Variants in GRIK4 observed in about 807,000 individuals in gnomAD.
GRIK4 encodes glutamate ionotropic receptor kainate type subunit 4, also known as glutamate receptor ionotropic, kainate 4.
In GRIK4, 40 loss-of-function variants were observed where a neutral mutation model predicts 104.9. That is an observed-to-expected ratio of 0.38 (90% CI 0.30 to 0.50). GRIK4 has a LOEUF of 0.50. Ranked by LOEUF, GRIK4 falls within the 20% of genes least tolerant of loss-of-function variation. GRIK4 has a pLI of 0.93. For synonymous variants in GRIK4, 485 were observed against 524.9 expected, an observed-to-expected ratio of 0.92 and a Z score of 1.04; for missense variants, 1,047 against 1,308.1, an observed-to-expected ratio of 0.80 and a Z score of 3.08.
In GRIK4 at chr11:120,646,210, A is replaced by G. The variant is rs139763807; in HGVS notation, c.-158-7475A>G. Among the ~76,000 whole-genome samples the G allele has an allele frequency of 1.6e-4, 25 of 152,366 alleles. No homozygotes were observed. The East Asian group carries it at 4.0e-3, about 25-fold the overall frequency. On this transcript the variant is annotated intron_variant, in intron 1 of 20. Coordinates refer to ENST00000527524, the MANE Select transcript of GRIK4 (RefSeq NM_014619.5). ...GCAATAATCACAATAACAGCTGTCAAACATTGAGCACTTGCTATTTGCAGG... is the reference window on the plus strand; with the variant it reads ...GCAATAATCACAATAACAGCTGTCAGACATTGAGCACTTGCTATTTGCAGG...
intron 9 of GRIK4, among the ~76,000 whole-genome samples, chr11:120,863,400 A>C (rs1014910156): frequency 6.6e-6 from 1 of 152,248 alleles, no homozygotes; most frequent in Admixed American, 6.5e-5. Flanking sequence ...GTAGTAGGCT[A>C]TAGCATCTAT....
intron 11 of GRIK4, among the ~76,000 whole-genome samples, chr11:120,885,456 G>T (rs190594731): frequency 1.3e-5 from 2 of 151,950 alleles, no homozygotes; most frequent in East Asian, 1.9e-4. Context: ...CACAATCTTG[G>T]CTCACTGCAA....
intron 1 of GRIK4, among the ~76,000 whole-genome samples, chr11:120,635,510 T>G (rs1437675595): frequency 6.6e-6 from 1 of 152,192 alleles, no homozygotes; most frequent in Non-Finnish European, 1.5e-5. Flanking sequence ...TAGTTACTAT[T>G]TTGAGTTAAA....
At chr11:120,790,085 C>T (rs1952365389) in intron 3 of GRIK4, among the ~76,000 whole-genome samples, 1 of 152,140 alleles carries the variant, frequency 6.6e-6, no homozygotes, top group African/African-American at 2.4e-5. Context: ...ACATGAACAG[C>T]TGGTTCATGG....
At chr11:120,646,977 T>C (rs1449553689) in intron 1 of GRIK4, among the ~76,000 whole-genome samples, 2 of 152,220 alleles carry the variant, frequency 1.3e-5, no homozygotes, top group Non-Finnish European at 2.9e-5. Context: ...CTGACCACAG[T>C]TACCCAGGGA....
rs1942841206 is a variant in GRIK4 at position 120,905,260 on chromosome 11, G to A, written c.1273-30G>A. 6.6e-7 allele frequency: 1 copy of A among 1,523,164 alleles called. No individual in the cohort carries two copies. Among genetic ancestry groups the A allele is most frequent in the Non-Finnish European group, 9.1e-7 (1 of 1,097,860 alleles). 94.4% of individuals were successfully genotyped at this position (1,523,164 alleles called of 1,614,324 possible). A position where few individuals can be genotyped will look rare whatever the true frequency, so the allele number is the denominator to read the frequency against. ...GCGGGTGAGACACCAGGGCTAAGAT[G>A]AGAATGACAGCTGCCCAGTTTTGCT... On this transcript the variant is annotated intron_variant, in intron 12 of 20. Coordinates refer to ENST00000527524, the MANE Select transcript of GRIK4 (RefSeq NM_014619.5). This position sits in a 1 kb window ranked among gnomAD's most constrained non-coding sequence, Gnocchi z 5.1.
rs1196643049 is a variant in GRIK4, at chr11:120,862,102, G to A, written c.888G>A (p.Val296=). 2 of 1,613,986 alleles carry A rather than the reference G, an allele frequency of 1.2e-6. No individual in the cohort carries two copies. The highest frequency in any genetic ancestry group is 3.3e-5 in the Admixed American group (2 of 60,024). ...NQSWQENCDH[V]PFTGPALSSA... ...CCTGGCAGGAGAACTGTGACCATGT[G>A]CCCTTCACTGGGCCTGCGGTAAGTA... Residue 296 remains valine, a synonymous_variant, in exon 9 of 21, where the codon GTG becomes GTA. Transcript: ENST00000527524.
At chr11:120,781,370 A>T (rs1354349924) in intron 3 of GRIK4, among the ~76,000 whole-genome samples, 1 of 152,188 alleles carries the variant, frequency 6.6e-6, no homozygotes, top group Admixed American at 6.5e-5. Context: ...TATTTTTTAG[A>T]GATAAATTCT....
intron 19 of GRIK4, 44 bp from the exon 20 acceptor site, chr11:120,982,062 C>A: frequency 8.2e-7 from 1 of 1,225,108 alleles, no homozygotes; most frequent in Non-Finnish European, 1.2e-6. Flanking sequence ...TTGTGTCTTC[C>A]TGATCTTTTA....
chr11:120,844,003 A>G (rs995188277), intron 8 of GRIK4, among the ~76,000 whole-genome samples: 1 of 152,144 alleles, frequency 6.6e-6, no homozygotes, highest in East Asian at 1.9e-4. Flanking sequence ...GGCAGAATGG[A>G]TATATGCAGC....
intron 9 of GRIK4, chr11:120,871,556 G>T (rs1385941359): frequency 2.2e-6 from 1 of 456,084 alleles, no homozygotes; most frequent in Non-Finnish European, 4.4e-6. Flanking sequence ...GGTGAGAATT[G>T]GGTGTCCTTT....
chr11:120,988,360 C>T lies in GRIK4; in HGVS notation c.*2100C>T, dbSNP rs1043191273. 2.0e-5 allele frequency: 3 copies of T among 152,194 alleles called. No individual in the cohort carries two copies. The highest frequency in any genetic ancestry group is 2.9e-5 in the Non-Finnish European group (2 of 68,042). The allele number at this position is 152,194 out of a possible 1,614,324, so 9.4% of individuals were successfully genotyped here. ...CTCTGCTCCAACCTGCAGCTCCATCCTATGCTTCTCACAGACAACGTGGTT... is the reference window on the plus strand; with the variant it reads ...CTCTGCTCCAACCTGCAGCTCCATCTTATGCTTCTCACAGACAACGTGGTT... On this transcript the variant is annotated 3_prime_UTR_variant, in exon 21 of 21. Transcript: ENST00000527524.
Position 120,905,449 on chromosome 11 carries a change from G to T in GRIK4, c.1432G>T (p.Ala478Ser). 1.4e-6 allele frequency: 2 copies of T among 1,396,584 alleles called. No individual in the cohort carries two copies. Among genetic ancestry groups the T allele is most frequent in the Non-Finnish European group, 9.6e-7 (1 of 1,043,040 alleles). The allele number at this position is 1,396,584 out of a possible 1,614,324, so 86.5% of individuals were successfully genotyped here. Reference sequence around the variant, plus strand: ...GGATGGCGTGTACGGCGTTCCCGAGGCCAACGGCACCTGGACGGGAATGGT... The same window carrying T: ...GGATGGCGTGTACGGCGTTCCCGAGTCCAACGGCACCTGGACGGGAATGGT... Reference protein sequence around the residue: ...VGDGVYGVPEANGTWTGMVGE... With the variant: ...VGDGVYGVPESNGTWTGMVGE... Residue 478 changes from alanine to serine, a missense_variant, in exon 13 of 21, where the codon GCC becomes TCC. This residue lies in a region of GRIK4 where 440 missense variants were observed against 652.3 expected (regional missense o/e 0.67). Transcript: ENST00000527524. The surrounding 1 kb of genome is among the most constrained non-coding windows in gnomAD (Gnocchi z 5.1).
chr11:120,934,651 C>T (rs1443887919), intron 13 of GRIK4, among the ~76,000 whole-genome samples: 1 of 152,190 alleles, frequency 6.6e-6, no homozygotes, highest in Non-Finnish European at 1.5e-5. Context: ...TACAAACATC[C>T]AGGAGATAAA....
chr11:120,974,777 C>T (rs1209920542), intron 19 of GRIK4, among the ~76,000 whole-genome samples: 7 of 152,114 alleles, frequency 4.6e-5, no homozygotes, highest in Non-Finnish European at 1.5e-5. Context: ...CTCCCTACCT[C>T]GCTAAAAAAA....
At chr11:120,629,267 G>T (rs1168688878) in intron 1 of GRIK4, among the ~76,000 whole-genome samples, 2 of 152,136 alleles carry the variant, frequency 1.3e-5, no homozygotes, top group Non-Finnish European at 2.9e-5. Context: ...TATCCATGTG[G>T]CCTTGACAAT....
chr11:120,887,695 G>T (rs1272500214), intron 11 of GRIK4, among the ~76,000 whole-genome samples: 1 of 152,210 alleles, frequency 6.6e-6, no homozygotes, highest in African/African-American at 2.4e-5. Context: ...GCTAGGTATT[G>T]GGCATATGAT....
At chr11:120,789,304 C>G (rs374310143) in intron 3 of GRIK4, among the ~76,000 whole-genome samples, 1 of 152,088 alleles carries the variant, frequency 6.6e-6, no homozygotes, top group Non-Finnish European at 1.5e-5. Flanking sequence ...AACAATCTTC[C>G]TCTCTATCCC....
At chr11:120,901,517 C>T (rs994578354) in intron 12 of GRIK4, among the ~76,000 whole-genome samples, 1 of 152,180 alleles carries the variant, frequency 6.6e-6, no homozygotes, top group East Asian at 1.9e-4. Context: ...TTTTTCCCTG[C>T]CCCCTCCCAT....
Sources: allele counts gnomAD v4.1 joint callset (sites outside exome capture counted in the v4.1 genomes callset), GRCh38; gene constraint gnomAD v4.1.1; regional missense constraint gnomAD v4.1.1; non-coding constraint Gnocchi (gnomAD v3.1); transcripts MANE v1.5; gene names NCBI Gene and HGNC (gene_info 2026-07-23, HGNC 2026-07-21).